TBC1D1: variants seen among roughly 807,000 people sequenced by gnomAD.
The protein encoded by TBC1D1 is TBC1 domain family member 1.
Under a neutral mutation model 125.6 loss-of-function variants are expected in TBC1D1, and 89 were observed. The ratio of observed to expected loss-of-function variants is 0.71; its 90% CI spans 0.60 to 0.85. The LOEUF is 0.85. TBC1D1 is among the 40% of genes least tolerant of loss of function. The pLI, the probability that TBC1D1 is intolerant of heterozygous loss-of-function variation, is 0.00. For missense variants in TBC1D1, 1,377 were observed against 1,469.2 expected (o/e 0.94, Z 1.03); for synonymous variants, 565 against 564.1 (o/e 1.00, Z -0.02).
chr4:38,034,441 A>G (rs1746820023), intron 7 of TBC1D1, among the ~76,000 whole-genome samples: 2 of 152,254 alleles, frequency 1.3e-5, no homozygotes, highest in African/African-American at 4.8e-5. Flanking sequence ...CCTTTCCTTA[A>G]GTAACAAGAA....
At chr4:37,912,935 C>T (rs1221042577) in intron 2 of TBC1D1, among the ~76,000 whole-genome samples, 1 of 152,118 alleles carries the variant, frequency 6.6e-6, no homozygotes, top group East Asian at 1.9e-4. Flanking sequence ...AAGCACTGAT[C>T]AGGGAAGTGA....
intron 2 of TBC1D1, among the ~76,000 whole-genome samples, chr4:37,984,852 AAAAG>A (rs1355863525): frequency 1.3e-5 from 2 of 152,060 alleles, no homozygotes; most frequent in Admixed American, 6.5e-5. Context: ...AAAAAAAAAA[AAAAG>A]AAAATGTTAG....
At position 38,021,517 on chromosome 4, in the gene TBC1D1, C is replaced by G. The variant is rs1744022972; in HGVS notation, c.1078-69C>G. ...TTAAAAAATCTTTTCCAAAGATTTT[C>G]TGACATCTCAGCCCAGCTAATTTCA... is the stretch of plus-strand genomic sequence containing the variant. On this transcript the variant is annotated intron_variant, in intron 5 of 19. Coordinates refer to ENST00000261439, the MANE Select transcript of TBC1D1 (RefSeq NM_015173.4). The G allele has an allele frequency of 1.5e-5, 21 of 1,374,650 alleles. 1 individual carries two copies. The South Asian group carries it at 3.4e-4, about 22-fold the overall frequency. 85.2% of individuals were successfully genotyped at this position (1,374,650 alleles called of 1,614,324 possible).
chr4:38,001,401 G>T (rs553377166), intron 2 of TBC1D1, among the ~76,000 whole-genome samples: 123 of 152,248 alleles, frequency 8.1e-4, no homozygotes, highest in African/African-American at 2.9e-3. Flanking sequence ...CACCATTTAA[G>T]GGTTTTTATG....
chr4:38,096,618 CT>C (rs1759389142), intron 14 of TBC1D1, among the ~76,000 whole-genome samples: 2 of 152,206 alleles, frequency 1.3e-5, no homozygotes, highest in Non-Finnish European at 2.9e-5. Flanking sequence ...GTCTGCTATA[CT>C]GTAAGGCCTT....
intron 1 of TBC1D1, 60 bp from the exon 2 acceptor site, chr4:37,901,943 T>G: frequency 1.4e-6 from 1 of 714,734 alleles, no homozygotes; most frequent in Non-Finnish European, 2.3e-6. Flanking sequence ...TAATAGCCCT[T>G]TGAAGGTAGC....
intron 2 of TBC1D1, among the ~76,000 whole-genome samples, chr4:37,966,403 A>G (rs1984960): frequency 0.19 from 28,178 of 152,196 alleles, 3,029 homozygotes; most frequent in East Asian, 0.33. Flanking sequence ...AATGACTCAG[A>G]CATCACTACT....
intron 2 of TBC1D1, among the ~76,000 whole-genome samples, chr4:37,923,372 G>A (rs977561328): frequency 2.0e-5 from 3 of 152,132 alleles, no homozygotes; most frequent in African/African-American, 7.2e-5. Context: ...CATTTGGGTT[G>A]GTTCCAAGTC....
intron 17 of TBC1D1, among the ~76,000 whole-genome samples, chr4:38,120,992 C>T (rs1763755480): frequency 6.6e-6 from 1 of 152,142 alleles, no homozygotes; most frequent in Non-Finnish European, 1.5e-5. Context: ...ACAGAAGCCA[C>T]CTGCAATATA....
chr4:37,994,147 ATAAAGCCC>A (rs939038245), intron 2 of TBC1D1, among the ~76,000 whole-genome samples: 4 of 152,238 alleles, frequency 2.6e-5, no homozygotes, highest in African/African-American at 9.6e-5. Context: ...TCTTTATTAA[ATAAAGCCC>A]TAAAGCCCTA....
At chr4:37,972,625 G>A in intron 2 of TBC1D1, among the ~76,000 whole-genome samples, 1 of 151,952 alleles carries the variant, frequency 6.6e-6, no homozygotes, top group Non-Finnish European at 1.5e-5. Flanking sequence ...ATTTGAATAG[G>A]CCAGGCGCAG....
At chr4:38,052,195 G>GTGTGTGTGCA in intron 11 of TBC1D1, 135 bp downstream of exon 12, 1 of 661,036 alleles carries the variant, frequency 1.5e-6, no homozygotes, top group Non-Finnish European at 2.4e-6. Context: ...GTGTGTGTGT[G>GTGTGTGTGCA]CGCGCGCGTG....
At chr4:37,935,733 T>A (rs1411203486) in intron 2 of TBC1D1, among the ~76,000 whole-genome samples, 1 of 152,210 alleles carries the variant, frequency 6.6e-6, no homozygotes, top group Non-Finnish European at 1.5e-5. Flanking sequence ...CCGATTGGTC[T>A]GAGAATCAAG....
intron 2 of TBC1D1, among the ~76,000 whole-genome samples, chr4:37,937,235 C>T (rs1028461531): frequency 6.6e-6 from 1 of 152,110 alleles, no homozygotes. Context: ...TTGTCTGAAC[C>T]AAGGTGGGTT....
intron 19 of TBC1D1, among the ~76,000 whole-genome samples, chr4:38,135,298 T>C (rs143667314): frequency 3.3e-5 from 5 of 152,212 alleles, no homozygotes; most frequent in Non-Finnish European, 4.4e-5. Context: ...GGAGAGCAAA[T>C]TCTACCACCT....
At chr4:38,046,828 T>A (rs1691873396) in intron 10 of TBC1D1, among the ~76,000 whole-genome samples, 2 of 152,130 alleles carry the variant, frequency 1.3e-5, no homozygotes, top group Admixed American at 1.3e-4. Context: ...GAAAAGTGGG[T>A]TTGGGTTTTG....
chr4:37,906,617 G>C (rs1159134867), intron 2 of TBC1D1, among the ~76,000 whole-genome samples: 1 of 152,176 alleles, frequency 6.6e-6, no homozygotes, highest in Non-Finnish European at 1.5e-5. Context: ...ATGTTTCTCT[G>C]ATAGGGGGTC....
intron 2 of TBC1D1, among the ~76,000 whole-genome samples, chr4:37,918,420 T>C (rs1720167529): frequency 6.6e-6 from 1 of 152,002 alleles, no homozygotes; most frequent in African/African-American, 2.4e-5. Flanking sequence ...AACAAACAAA[T>C]GTGATCACGG....
chr4:38,038,087 A>G lies in TBC1D1; in HGVS notation c.1413+2389A>G, dbSNP rs182920245. On this transcript the variant is annotated intron_variant, in intron 8 of 19. Coordinates refer to ENST00000261439, the MANE Select transcript of TBC1D1 (RefSeq NM_015173.4). ...CTACAAGTTTTTTGAGGTAGGTGGTAAAATACCCATTTTATAGATGAGGAA... is the reference window on the plus strand; with the variant it reads ...CTACAAGTTTTTTGAGGTAGGTGGTGAAATACCCATTTTATAGATGAGGAA... Among the ~76,000 whole-genome samples the G allele has an allele frequency of 7.5e-3, 1,138 of 152,322 alleles. 4 individuals are homozygous for G. Among genetic ancestry groups the G allele is most frequent in the Non-Finnish European group, 0.014 (936 of 68,024 alleles).
Sources: allele counts gnomAD v4.1 joint callset (sites outside exome capture counted in the v4.1 genomes callset), GRCh38; gene constraint gnomAD v4.1.1; transcripts MANE v1.5; gene names NCBI Gene and HGNC (gene_info 2026-07-23, HGNC 2026-07-21).